The following CSMD3 variants were observed in gnomAD, a reference collection of about 807,000 sequenced individuals.
CSMD3 encodes CUB and Sushi multiple domains 3.
Under a neutral mutation model 435.2 loss-of-function variants are expected in CSMD3, and 177 were observed. The ratio of observed to expected loss-of-function variants is 0.41; its 90% CI spans 0.36 to 0.46. The LOEUF (loss-of-function observed/expected upper bound fraction) is 0.46. Among genes scored for constraint, CSMD3 ranks in the 20% least tolerant of loss-of-function variants. The pLI, the probability that CSMD3 is intolerant of heterozygous loss-of-function variation, is 0.34. For synonymous variants in CSMD3, 1,656 were observed against 1,520.5 expected, an observed-to-expected ratio of 1.09 and a Z score of -2.07; for missense variants, 4,265 against 4,504.6, an observed-to-expected ratio of 0.95 and a Z score of 1.52.
intron 22 of CSMD3, among the ~76,000 whole-genome samples, chr8:112,625,643 C>T (rs1834418546): frequency 6.6e-6 from 1 of 152,118 alleles, no homozygotes; most frequent in African/African-American, 2.4e-5. Context: ...GTTACTTACA[C>T]ATTGAGCATA....
chr8:113,222,550 G>A (rs753521161), intron 3 of CSMD3, among the ~76,000 whole-genome samples: 4 of 150,892 alleles, frequency 2.7e-5, no homozygotes, highest in African/African-American at 7.3e-5. Flanking sequence ...AGAATTTTAC[G>A]AGGAGAAATA....
chr8:113,332,496 AT>A (rs1231800880), intron 1 of CSMD3, among the ~76,000 whole-genome samples: 1 of 129,974 alleles, frequency 7.7e-6, no homozygotes, highest in Non-Finnish European at 1.9e-5. Flanking sequence ...GCAATGCACA[AT>A]CCAACAAATA....
chr8:112,437,925 C>G (rs1814555855), intron 32 of CSMD3, among the ~76,000 whole-genome samples: 1 of 152,002 alleles, frequency 6.6e-6, no homozygotes, highest in African/African-American at 2.4e-5. Context: ...GTGGTCCATT[C>G]TATATTACCT....
chr8:112,836,507 C>T (rs1162983748), intron 11 of CSMD3, among the ~76,000 whole-genome samples: 1 of 151,832 alleles, frequency 6.6e-6, no homozygotes, highest in Admixed American at 6.6e-5. Context: ...TGACCTAATT[C>T]TGGCCACTGG....
chr8:112,781,282 C>T (rs1210502987), intron 13 of CSMD3, among the ~76,000 whole-genome samples: 2 of 151,866 alleles, frequency 1.3e-5, no homozygotes, highest in African/African-American at 4.8e-5. Flanking sequence ...AGTGGTAGCC[C>T]GGCAGTACTT....
rs773992749 is a variant in CSMD3 at position 112,408,938 on chromosome 8, G to C, written c.5490C>G (p.Ser1830=). The C allele has an allele frequency of 3.7e-6, 6 of 1,613,414 alleles. No individual in the cohort carries two copies. The Admixed American group carries it at 8.3e-5, about 22-fold the overall frequency. Residue 1830 remains serine (S), a synonymous_variant, in exon 33 of 71, where the codon TCC becomes TCG. Coordinates refer to ENST00000297405, the MANE Select transcript of CSMD3 (RefSeq NM_198123.2). ...GPTQQSSLLS[S]LSGSHSGESL... ...GGATACCTGAATGGGATCCTGAGAGGGAAGATAACAGAGAAGATTGCTGAG... is the reference window on the plus strand; with the variant it reads ...GGATACCTGAATGGGATCCTGAGAGCGAAGATAACAGAGAAGATTGCTGAG...
intron 12 of CSMD3, among the ~76,000 whole-genome samples, chr8:112,814,686 G>C (rs1004022720): frequency 6.6e-6 from 1 of 152,018 alleles, no homozygotes; most frequent in African/African-American, 2.4e-5. Flanking sequence ...GGGGGCTGAG[G>C]CAGGAGGATT....
chr8:112,273,660 A>C (rs55838612), intron 59 of CSMD3, among the ~76,000 whole-genome samples: 4,391 of 146,082 alleles, frequency 0.03, 228 homozygotes, highest in African/African-American at 0.11. Flanking sequence ...CGGTAGGTGG[A>C]GTTTGCAGTG....
At chr8:112,244,899 C>A (rs977131997) in intron 64 of CSMD3, among the ~76,000 whole-genome samples, 1 of 151,836 alleles carries the variant, frequency 6.6e-6, no homozygotes, top group Admixed American at 6.6e-5. Context: ...CAGAGAGTCA[C>A]AAAAACCAGC....
chr8:112,280,990 C>A (rs1161275685), intron 59 of CSMD3, among the ~76,000 whole-genome samples, 184 bp downstream of exon 59: 2 of 152,140 alleles, frequency 1.3e-5, no homozygotes, highest in African/African-American at 4.8e-5. Context: ...GATAAGCCAA[C>A]TTATCCTAAA....
At chr8:112,920,606 C>T (rs2082704262) in intron 10 of CSMD3, among the ~76,000 whole-genome samples, 2 of 151,688 alleles carry the variant, frequency 1.3e-5, no homozygotes. Flanking sequence ...ATGATATTGG[C>T]ATATCTGTTA....
At chr8:112,542,032 G>T (rs934446471) in intron 27 of CSMD3, among the ~76,000 whole-genome samples, 17 of 151,634 alleles carry the variant, frequency 1.1e-4, no homozygotes, top group African/African-American at 4.1e-4. Flanking sequence ...CAGAATAATG[G>T]ATTAAGATCA....
intron 14 of CSMD3, among the ~76,000 whole-genome samples, 158 bp from the exon 15 acceptor site, chr8:112,685,890 A>G (rs2076000144): frequency 6.6e-6 from 1 of 152,210 alleles, no homozygotes; most frequent in East Asian, 1.9e-4. Context: ...CCATTTTTAC[A>G]TATTGAAAAA....
intron 3 of CSMD3, among the ~76,000 whole-genome samples, chr8:113,194,773 G>A (rs1338368704): frequency 6.6e-6 from 1 of 151,216 alleles, no homozygotes; most frequent in Non-Finnish European, 1.5e-5. Flanking sequence ...TATTGATGCA[G>A]TAAATTTTAA....
chr8:112,778,563 G>T (rs2078302353), intron 13 of CSMD3, among the ~76,000 whole-genome samples: 1 of 151,804 alleles, frequency 6.6e-6, no homozygotes. Flanking sequence ...TAGCGCCATA[G>T]TTTATTTATC....
chr8:113,363,041 T>G (rs1319124911), intron 1 of CSMD3, among the ~76,000 whole-genome samples: 2 of 152,246 alleles, frequency 1.3e-5, no homozygotes, highest in Admixed American at 6.5e-5. Flanking sequence ...AGATAATTTC[T>G]GTAATAAAAC....
intron 35 of CSMD3, among the ~76,000 whole-genome samples, chr8:112,400,061 T>A (rs1831186380): frequency 6.6e-6 from 1 of 152,278 alleles, no homozygotes; most frequent in Non-Finnish European, 1.5e-5. Context: ...AGGTTTTTGT[T>A]ACAGTAGCAC....
At chr8:113,394,983 G>A (rs534545867) in intron 1 of CSMD3, among the ~76,000 whole-genome samples, 4 of 151,992 alleles carry the variant, frequency 2.6e-5, no homozygotes, top group African/African-American at 4.8e-5. Flanking sequence ...AAGACATAGG[G>A]GCATGAAATA....
chr8:113,273,440 C>A (rs2132431100), intron 3 of CSMD3, among the ~76,000 whole-genome samples: 1 of 152,088 alleles, frequency 6.6e-6, no homozygotes, highest in Admixed American at 6.6e-5. Context: ...ATAAACAATT[C>A]ATAGGTTTAA....
Sources: allele counts gnomAD v4.1 joint callset (sites outside exome capture counted in the v4.1 genomes callset), GRCh38; gene constraint gnomAD v4.1.1; transcripts MANE v1.5; gene names NCBI Gene and HGNC (gene_info 2026-07-23, HGNC 2026-07-21).